Variants in CCND3 observed in about 807,000 individuals in gnomAD.
CCND3 encodes G1/S-specific cyclin-D3.
CCND3 carries 9 observed loss-of-function variants against 28.7 expected under a neutral mutation model. That is an observed-to-expected ratio of 0.31 (90% CI 0.19 to 0.55). The LOEUF (loss-of-function observed/expected upper bound fraction) is 0.55, where lower values mean the gene tolerates loss of function less well. Among genes scored for constraint, CCND3 ranks in the 20% least tolerant of loss-of-function variants. The pLI is 0.93. For missense variants in CCND3, 315 were observed against 385.8 expected (o/e 0.82, Z 1.54); for synonymous variants, 164 against 163.9 (o/e 1.00, Z 0.00).
chr6:41,972,000 C>T (rs1326459029), intron 1 of CCND3, among the ~76,000 whole-genome samples: 2 of 149,582 alleles, frequency 1.3e-5, no homozygotes, highest in East Asian at 4.0e-4. Context: ...CCAAGACGGG[C>T]GGATCACGAG....
intron 1 of CCND3, chr6:42,030,000 A>G (rs1763997861): frequency 2.0e-5 from 3 of 152,202 alleles, no homozygotes; most frequent in African/African-American, 7.2e-5. Flanking sequence ...ACCTGAGGCA[A>G]ACACTCACCC....
At chr6:41,965,136 C>T (rs1320175292) in intron 1 of CCND3, among the ~76,000 whole-genome samples, 1 of 138,544 alleles carries the variant, frequency 7.2e-6, no homozygotes, top group African/African-American at 2.7e-5. Context: ...GTGGCACAAT[C>T]TCAGCTCACT....
At chr6:41,970,268 G>A (rs772069359) in intron 1 of CCND3, among the ~76,000 whole-genome samples, 57 of 152,300 alleles carry the variant, frequency 3.7e-4, no homozygotes, top group Middle Eastern at 3.4e-3. Context: ...GAACCCAGGA[G>A]GCGGAGGTTG....
chr6:42,001,568 AAG>A (rs1763013403), intron 1 of CCND3, among the ~76,000 whole-genome samples: 3 of 152,170 alleles, frequency 2.0e-5, no homozygotes, highest in African/African-American at 7.2e-5. Context: ...GGTGATAAAA[AAG>A]AGACTGAACC....
At chr6:41,940,869 C>T in intron 1 of CCND3, 1 of 1,301,076 alleles carries the variant, frequency 7.7e-7, no homozygotes, top group African/African-American at 1.4e-5. Context: ...TCCCCCACAG[C>T]GAGGGGAAGT....
At chr6:41,960,482 C>T (rs9471699) in intron 1 of CCND3, among the ~76,000 whole-genome samples, 2,488 of 152,250 alleles carry the variant, frequency 0.016, 62 homozygotes, top group East Asian at 0.099. Flanking sequence ...GCCTCTAACA[C>T]GAGTGATTGA....
chr6:41,974,288 A>G (rs1458077868), intron 1 of CCND3, among the ~76,000 whole-genome samples: 2 of 152,196 alleles, frequency 1.3e-5, no homozygotes, highest in African/African-American at 4.8e-5. Flanking sequence ...TGATTTCTAA[A>G]TATAAACACA....
chr6:42,037,987 C>A (rs1042927279), intron 1 of CCND3, among the ~76,000 whole-genome samples: 5 of 146,762 alleles, frequency 3.4e-5, no homozygotes, highest in Admixed American at 7.0e-5. Context: ...GCCGAGATTG[C>A]GCCATTGCAC....
chr6:41,976,357 GA>G (rs113788088), intron 1 of CCND3, among the ~76,000 whole-genome samples: 10 of 149,386 alleles, frequency 6.7e-5, no homozygotes, highest in South Asian at 6.4e-4. Context: ...GTCAAAAAAA[GA>G]AAAAAAAAAT....
upstream of CCND3, among the ~76,000 whole-genome samples, chr6:41,945,576 C>CA (rs542110390): frequency 4.1e-4 from 63 of 152,238 alleles, 1 homozygote; most frequent in African/African-American, 1.5e-3. Flanking sequence ...TGAGGCCCAT[C>CA]ACCCCACAGT....
intron 1 of CCND3, among the ~76,000 whole-genome samples, chr6:41,991,771 A>G (rs1408807836): frequency 6.6e-6 from 1 of 151,998 alleles, no homozygotes; most frequent in African/African-American, 2.4e-5. Context: ...TCCATCCTCT[A>G]GTATTTTCTG....
chr6:41,993,001 TGGGCTCA>T (rs1762699015), intron 1 of CCND3, among the ~76,000 whole-genome samples: 1 of 152,158 alleles, frequency 6.6e-6, no homozygotes, highest in Non-Finnish European at 1.5e-5. Context: ...CTTGAACTCC[TGGGCTCA>T]GGCAATCCTC....
At chr6:41,984,534 G>A (rs1762430272) in intron 1 of CCND3, among the ~76,000 whole-genome samples, 1 of 152,122 alleles carries the variant, frequency 6.6e-6, no homozygotes, top group Non-Finnish European at 1.5e-5. Flanking sequence ...TTTTAGTAGA[G>A]ATGGGGTTTC....
chr6:42,008,246 C>T (rs553889131), intron 1 of CCND3, among the ~76,000 whole-genome samples: 23 of 151,900 alleles, frequency 1.5e-4, no homozygotes, highest in South Asian at 1.2e-3. Context: ...CTGGGTGGGG[C>T]GGGCGCCTGT....
intron 1 of CCND3, among the ~76,000 whole-genome samples, chr6:42,040,723 G>A (rs554677256): frequency 2.0e-5 from 3 of 151,828 alleles, no homozygotes; most frequent in Non-Finnish European, 4.4e-5. Context: ...GTGGTGGTGG[G>A]TGCCTCTAAT....
chr6:41,944,570 T>C (rs1447616581), upstream of CCND3, among the ~76,000 whole-genome samples: 4 of 152,052 alleles, frequency 2.6e-5, no homozygotes, highest in Non-Finnish European at 5.9e-5. Flanking sequence ...TACGGGTGCA[T>C]ACCACCATGC....
At position 41,941,048 on chromosome 6, in the gene CCND3, G is replaced by A; in HGVS notation, c.198+404C>T. ...GCGCGCCACCCCCATCGCCTTCCCC[G>A]CCAGAACCCCGCGAAAGACACAGGA... On this transcript the variant is annotated intron_variant, in intron 1 of 4. Transcript: ENST00000372991. This position sits in a 1 kb window ranked among gnomAD's most constrained non-coding sequence, Gnocchi z 6.1. The A allele has an allele frequency of 1.3e-6, 2 of 1,595,958 alleles. No homozygotes were observed. The highest frequency in any genetic ancestry group is 1.7e-6 in the Non-Finnish European group (2 of 1,170,166).
intron 1 of CCND3, among the ~76,000 whole-genome samples, chr6:42,040,187 G>A (rs986070201): frequency 6.6e-6 from 1 of 152,186 alleles, no homozygotes; most frequent in African/African-American, 2.4e-5. Context: ...GGAGGCTGAG[G>A]CGGGTGGATC....
rs767526428 is a variant in CCND3 at position 41,979,533 on chromosome 6, C to CAA, written c.-45-38950_-45-38949dup. Reference sequence around the variant, plus strand: ...TGGGTGACAGAGTGAGACTCCACTTCAAAAAAAAAAAAAAAAGAAAAATAT... The same window carrying CAA: ...TGGGTGACAGAGTGAGACTCCACTTCAAAAAAAAAAAAAAAAAAGAAAAATAT... On this transcript the variant is annotated intron_variant, in intron 1 of 4. Transcript: ENST00000372988. Among the ~76,000 whole-genome samples, 302 of 96,928 alleles carry CAA rather than the reference C, an allele frequency of 3.1e-3. 2 individuals carry two copies. The highest frequency in any genetic ancestry group is 5.5e-3 in the Non-Finnish European group (261 of 47,538). 63.6% of individuals were successfully genotyped at this position (96,928 alleles called of 152,430 possible). A position where few individuals can be genotyped will look rare whatever the true frequency, so the allele number is the denominator to read the frequency against.
Sources: gnomAD v4.1 joint callset for allele counts (sites outside exome capture counted in the v4.1 genomes callset) on GRCh38, gnomAD v4.1.1 for gene constraint, Gnocchi (gnomAD v3.1) non-coding constraint, MANE v1.5 for transcripts, NCBI Gene and HGNC (gene_info 2026-07-23, HGNC 2026-07-21) for gene names.